RYR1: variants seen among roughly 807,000 people sequenced by gnomAD.
RYR1 encodes central core disease of muscle.
Under a neutral mutation model 583.5 loss-of-function variants are expected in RYR1, and 342 were observed. The ratio of observed to expected loss-of-function variants is 0.59; its 90% CI spans 0.54 to 0.64. The LOEUF is 0.64. Among genes scored for constraint, RYR1 ranks in the 30% least tolerant of loss-of-function variants. RYR1 has a pLI of 0.00. For synonymous variants in RYR1, 2,791 were observed against 2,822.5 expected (o/e 0.99, Z 0.35); for missense variants, 6,032 against 6,917.2 (o/e 0.87, Z 4.54).
At chr19:38,520,211 T>C (rs1316166141) in intron 67 of RYR1, among the ~76,000 whole-genome samples, 2 of 151,486 alleles carry the variant, frequency 1.3e-5, no homozygotes, top group Non-Finnish European at 2.9e-5. Context: ...TAGCTGGGAT[T>C]ATAGACTCAC....
chr19:38,536,721 T>C (rs773804528), intron 82 of RYR1, 29 bp from the exon 83 acceptor site: 42 of 1,613,578 alleles, frequency 2.6e-5, no homozygotes, highest in Non-Finnish European at 3.3e-5. Context: ...TTCTCCTGCT[T>C]CCTCCTCCCA....
At chr19:38,573,463 C>T (rs1165213890) in intron 96 of RYR1, among the ~76,000 whole-genome samples, 156 bp downstream of exon 96, 1 of 152,104 alleles carries the variant, frequency 6.6e-6, no homozygotes, top group African/African-American at 2.4e-5. Flanking sequence ...GGGCGGATCA[C>T]GAGGTCAGGA....
chr19:38,565,238 G>A lies in RYR1; in HGVS notation c.12904G>A (p.Gly4302Ser). The A allele has an allele frequency of 3.0e-6, 3 of 989,548 alleles. No individual in the cohort carries two copies. The highest frequency in any genetic ancestry group is 3.6e-6 in the Non-Finnish European group (3 of 834,220). The allele number at this position is 989,548 out of a possible 1,614,324, so 61.3% of individuals were successfully genotyped here. Residue 4302 changes from glycine (G) to serine (S), a missense_variant, in exon 91 of 106, where the codon GGC becomes AGC. Around this residue, in one of 11 missense-constraint regions of RYR1, gnomAD observed 753 missense variants for 759.6 expected, o/e 0.99. Coordinates refer to ENST00000359596, the MANE Select transcript of RYR1 (RefSeq NM_000540.3). The surrounding 1 kb of genome is among the most constrained non-coding windows in gnomAD (Gnocchi z 4.7). The stretch of plus-strand genomic sequence containing the variant: ...GACGGCGCGGGTTGTGGCGGCCGCA[G>A]GCCGGGCCCTGCGAGGCCTCAGCTA... ...GATARVVAAA[G>S]RALRGLSYRS... is the part of the protein sequence containing the mutation.
At chr19:38,550,961 C>T (rs1367094458) in intron 89 of RYR1, among the ~76,000 whole-genome samples, 1 of 146,218 alleles carries the variant, frequency 6.8e-6, no homozygotes, top group African/African-American at 2.5e-5. Context: ...AGAGTGTTTC[C>T]TTCTTGTCCA....
intron 70 of RYR1, 68 bp downstream of exon 70, chr19:38,523,997 G>C (rs909087687): frequency 5.9e-5 from 92 of 1,562,174 alleles, no homozygotes; most frequent in Non-Finnish European, 7.7e-5. Context: ...GCCTCTGCAC[G>C]CCCCCGCCTC....
Position 38,561,105 on chromosome 19 carries a change from G to GCC in RYR1, c.12283-4_12283-3dup. On this transcript the variant is annotated splice_polypyrimidine_tract_variant and splice_region_variant and intron_variant, in intron 89 of 105. Coordinates refer to ENST00000359596, the MANE Select transcript of RYR1 (RefSeq NM_000540.3). This position sits in a 1 kb window ranked among gnomAD's most constrained non-coding sequence, Gnocchi z 4.8. ...GGTCACCCCACTGACCTCCCTGCCC[G>GCC]CCCCCAGGCCATGGACAGCCAGAAG... 1 of 1,606,576 alleles carries GCC rather than the reference G, an allele frequency of 6.2e-7. No homozygotes were observed. The highest frequency in any genetic ancestry group is 8.5e-7 in the Non-Finnish European group (1 of 1,175,192).
At position 38,477,791 on chromosome 19, in the gene RYR1, C is replaced by T; in HGVS notation, c.4375C>T (p.His1459Tyr). 1 of 1,613,960 alleles carries T rather than the reference C, an allele frequency of 6.2e-7. No homozygotes were observed. Among genetic ancestry groups the T allele is most frequent in the Admixed American group, 1.7e-5 (1 of 59,984 alleles). Residue 1459 changes from histidine (H) to tyrosine (Y), a missense_variant, in exon 30 of 106, where the codon CAC becomes TAC. Physicochemically the swap from His to Tyr is moderately conservative, Grantham distance 83 (BLOSUM62 2). Coordinates refer to ENST00000359596, the MANE Select transcript of RYR1 (RefSeq NM_000540.3). The stretch of plus-strand genomic sequence containing the variant: ...CTGGGTCACCCCTGACTACCATCAG[C>T]ACGACATGAGCTTCGACCTCAGCAA... Reference protein sequence around the residue: ...AGWVTPDYHQHDMSFDLSKVR... With the variant: ...AGWVTPDYHQYDMSFDLSKVR...
chr19:38,534,902 C>G, intron 79 of RYR1, 83 bp downstream of exon 79: 3 of 1,431,310 alleles, frequency 2.1e-6, no homozygotes, highest in East Asian at 2.5e-5. Context: ...CCCTGTGGAC[C>G]CATTTGCCGC....
chr19:38,484,127 A>C (rs1330205800), intron 33 of RYR1, among the ~76,000 whole-genome samples: 1 of 151,890 alleles, frequency 6.6e-6, no homozygotes. Flanking sequence ...AGGAGTCTCT[A>C]CTAAAAATAC....
At position 38,564,873 on chromosome 19, in the gene RYR1, G is replaced by A. The variant is rs1052830031; in HGVS notation, c.12625-86G>A. 22 of 1,528,538 alleles carry A rather than the reference G, an allele frequency of 1.4e-5. No individual in the cohort carries two copies. In the East Asian group the frequency reaches 3.5e-4, roughly 24 times the overall value. 94.7% of individuals were successfully genotyped at this position (1,528,538 alleles called of 1,614,324 possible). A position where few individuals can be genotyped will look rare whatever the true frequency, so the allele number is the denominator to read the frequency against. Reference sequence around the variant, plus strand: ...CATTTAGAACAGCGCCTGCCGCGGTGACCCCTTGTAGCTGCCACTGCGCTG... The same window carrying A: ...CATTTAGAACAGCGCCTGCCGCGGTAACCCCTTGTAGCTGCCACTGCGCTG... On this transcript the variant is annotated intron_variant, in intron 90 of 105. Transcript: ENST00000359596.
chr19:38,442,557 C>T, intron 3 of RYR1, 104 bp downstream of exon 3: 2 of 768,532 alleles, frequency 2.6e-6, no homozygotes, highest in Non-Finnish European at 4.6e-6. Context: ...ACCCGGGGGT[C>T]GCTTACCATC....
chr19:38,452,379 T>A (rs2145378057), intron 12 of RYR1, among the ~76,000 whole-genome samples: 1 of 152,212 alleles, frequency 6.6e-6, no homozygotes, highest in South Asian at 2.1e-4. Context: ...GGGCAGAGGC[T>A]GCAGTGAGCC....
chr19:38,486,570 T>C (rs1969309010), intron 34 of RYR1, among the ~76,000 whole-genome samples: 1 of 152,192 alleles, frequency 6.6e-6, no homozygotes, highest in African/African-American at 2.4e-5. Context: ...CTCAAACTCC[T>C]GACCTCCTGA....
rs1293356965 is a variant in RYR1 at position 38,564,959 on chromosome 19, G to C, written c.12625G>C (p.Val4209Leu). Reference sequence around the variant, plus strand: ...TCCTGTCTGCCGCCCCTCGCTTCAGGTGAAGGAGTCCAAGCGCCAGTTCAT... The same window carrying C: ...TCCTGTCTGCCGCCCCTCGCTTCAGCTGAAGGAGTCCAAGCGCCAGTTCAT... The part of the protein sequence containing the change: ...TNRAQWEMPQ[V>L]KESKRQFIFD... Residue 4209 changes from valine to leucine, a missense_variant and splice_region_variant, in exon 91 of 106, where the codon GTG becomes CTG. Val to Leu is a conservative substitution (Grantham distance 32). Transcript: ENST00000359596. 1 of 1,580,384 alleles carries C rather than the reference G, an allele frequency of 6.3e-7. No homozygotes were observed. The highest frequency in any genetic ancestry group is 1.8e-5 in the Admixed American group (1 of 55,200).
At position 38,504,967 on chromosome 19, in the gene RYR1, C is replaced by T. The variant is rs1316092525; in HGVS notation, c.8232-36C>T. On this transcript the variant is annotated intron_variant, in intron 51 of 105. Transcript: ENST00000359596. Reference sequence around the variant, plus strand: ...AAGATTTCAGGGGTGGAGGGAACCCCAGCTCCAACATCTGCTGACCCTGTG... The same window carrying T: ...AAGATTTCAGGGGTGGAGGGAACCCTAGCTCCAACATCTGCTGACCCTGTG... 3.1e-6 allele frequency: 5 copies of T among 1,613,992 alleles called. No individual in the cohort carries two copies. The African/African-American group carries it at 4.0e-5, about 13-fold the overall frequency.
rs571850239 is a variant in RYR1, at chr19:38,565,222, G to A, written c.12888G>A (p.Arg4296=). 3.0e-6 allele frequency: 3 copies of A among 990,930 alleles called. No individual in the cohort carries two copies. Among genetic ancestry groups the A allele is most frequent in the South Asian group, 4.5e-5 (1 of 22,204 alleles). The allele number at this position is 990,930 out of a possible 1,614,324, so 61.4% of individuals were successfully genotyped here. The part of the protein sequence containing the change: ...AATAAAGATA[R]VVAAAGRALR... ...CGGCGGCGGCGGGGGCGACGGCGCG[G>A]GTTGTGGCGGCCGCAGGCCGGGCCC... The change falls in exon 91 of 106, where the codon CGG becomes CGA. Residue 4296 remains arginine (R), a synonymous_variant. Coordinates refer to ENST00000359596, the MANE Select transcript of RYR1 (RefSeq NM_000540.3). This position sits in a 1 kb window ranked among gnomAD's most constrained non-coding sequence, Gnocchi z 4.7.
At chr19:38,487,873 A>G (rs1469894604) in intron 34 of RYR1, among the ~76,000 whole-genome samples, 7 of 152,176 alleles carry the variant, frequency 4.6e-5, no homozygotes, top group Non-Finnish European at 1.0e-4. Context: ...GGCTCAAGCA[A>G]TTCTCCCACC....
Position 38,543,732 on chromosome 19 carries a change from G to C in RYR1, c.11908-39G>C. The C allele has an allele frequency of 6.2e-7, 1 of 1,611,402 alleles. No individual in the cohort carries two copies. Among genetic ancestry groups the C allele is most frequent in the African/African-American group, 1.3e-5 (1 of 75,040 alleles). On this transcript the variant is annotated intron_variant, in intron 86 of 105. Transcript: ENST00000359596. This position sits in a 1 kb window ranked among gnomAD's most constrained non-coding sequence, Gnocchi z 4.4. ...CATCGTGATCCCTGATCCCTTCTCG[G>C]GGATTCCCTTCCCCCCCACACGGCA...
At position 38,496,773 on chromosome 19, in the gene RYR1, G is replaced by T. The variant is rs982020220; in HGVS notation, c.6797-87G>T. On this transcript the variant is annotated intron_variant, in intron 41 of 105. Coordinates refer to ENST00000359596, the MANE Select transcript of RYR1 (RefSeq NM_000540.3). The surrounding 1 kb of genome is among the most constrained non-coding windows in gnomAD (Gnocchi z 4.8). ...AGACCAGAGGAGGCACCTGATCCAG[G>T]CTGGAAAAAGGGTGGTCAGGGAGGG... 1.3e-5 allele frequency: 18 copies of T among 1,336,342 alleles called. No individual in the cohort carries two copies. The African/African-American group carries it at 2.3e-4, about 17-fold the overall frequency. 82.8% of individuals were successfully genotyped at this position (1,336,342 alleles called of 1,614,324 possible).
Sources: allele counts gnomAD v4.1 joint callset (sites outside exome capture counted in the v4.1 genomes callset), GRCh38; gene constraint gnomAD v4.1.1; regional missense constraint gnomAD v4.1.1; non-coding constraint Gnocchi (gnomAD v3.1); transcripts MANE v1.5; gene names NCBI Gene and HGNC (gene_info 2026-07-23, HGNC 2026-07-21).